Variants in EPB41 observed in about 807,000 individuals in gnomAD.
The protein encoded by EPB41 is protein 4.1.
Under a neutral mutation model 108.0 loss-of-function variants are expected in EPB41, and 65 were observed. The observed-to-expected ratio is 0.60, with a 90% CI of 0.49 to 0.74. The LOEUF is 0.74. Among genes scored for constraint, EPB41 ranks in the 30% least tolerant of loss-of-function variants. The pLI, the probability that EPB41 is intolerant of heterozygous loss-of-function variation, is 0.00. For missense variants in EPB41, 875 were observed against 1,037.0 expected, an observed-to-expected ratio of 0.84 and a Z score of 2.15; for synonymous variants, 336 against 358.9, an observed-to-expected ratio of 0.94 and a Z score of 0.72.
intron 15 of EPB41, among the ~76,000 whole-genome samples, chr1:29,062,030 A>T (rs1332056617): frequency 2.6e-5 from 4 of 152,214 alleles, no homozygotes; most frequent in Non-Finnish European, 4.4e-5. Flanking sequence ...TTCATTAAAC[A>T]TGTATTGCGT....
chr1:29,036,216 C>T (rs1392428535), intron 10 of EPB41, among the ~76,000 whole-genome samples: 2 of 150,636 alleles, frequency 1.3e-5, no homozygotes, highest in African/African-American at 2.4e-5. Flanking sequence ...AAAGTCAGTC[C>T]GATTAAGGGG....
intron 17 of EPB41, among the ~76,000 whole-genome samples, chr1:29,105,782 T>C (rs1480800906): frequency 4.5e-5 from 6 of 132,616 alleles, no homozygotes; most frequent in Non-Finnish European, 7.8e-5. Context: ...AGAGTATGGC[T>C]CTGTTGCCGA....
At chr1:28,903,765 G>T (rs1372527047) in intron 1 of EPB41, among the ~76,000 whole-genome samples, 1 of 152,190 alleles carries the variant, frequency 6.6e-6, no homozygotes, top group East Asian at 1.9e-4. Context: ...AGAAAAGGAA[G>T]GGAGGGGAAG....
rs761659017 is a variant in EPB41, at chr1:28,909,152, C to T, written c.-8+21942C>T. ...CATCCTGGGCTATGGAGTAAGACTCCGTCTCAAAAAAAAAAAAAAAAAGTC... is the reference window on the plus strand; with the variant it reads ...CATCCTGGGCTATGGAGTAAGACTCTGTCTCAAAAAAAAAAAAAAAAAGTC... On this transcript the variant is annotated intron_variant, in intron 1 of 16. Coordinates refer to the EPB41 transcript ENST00000347529. Among the ~76,000 whole-genome samples the T allele has an allele frequency of 7.9e-4, 74 of 93,260 alleles. 1 individual carries two copies. The highest frequency in any genetic ancestry group is 1.5e-3 in the South Asian group (3 of 2,042). 61.2% of individuals were successfully genotyped at this position (93,260 alleles called of 152,430 possible). A position where few individuals can be genotyped will look rare whatever the true frequency, so the allele number is the denominator to read the frequency against.
intron 18 of EPB41, among the ~76,000 whole-genome samples, chr1:29,112,107 C>G (rs1025033419): frequency 1.3e-5 from 2 of 152,096 alleles, no homozygotes; most frequent in African/African-American, 2.4e-5. Context: ...CAGTACCCAG[C>G]AGTAGATTAA....
chr1:29,104,586 AT>A (rs762258530), intron 17 of EPB41, among the ~76,000 whole-genome samples: 92 of 143,034 alleles, frequency 6.4e-4, no homozygotes, highest in Middle Eastern at 7.4e-3. Context: ...TGACTTTTTA[AT>A]TTTTTTTTTT....
Position 28,932,427 on chromosome 1 carries a change from A to G in EPB41, c.-8+17659A>G, listed in dbSNP as rs2093796411. On this transcript the variant is annotated intron_variant, in intron 1 of 20. Coordinates refer to ENST00000343067, the MANE Select transcript of EPB41 (RefSeq NM_001376013.1). The stretch of plus-strand genomic sequence containing the variant: ...CATGAGCATCATGCCTGGCCTCTAT[A>G]TTTTTATCTTTTCTTCCAGGAGCCA... Among the ~76,000 whole-genome samples the G allele has an allele frequency of 3.4e-5, 5 of 146,918 alleles. No individual in the cohort carries two copies. In the South Asian group the frequency reaches 1.1e-3, roughly 32 times the overall value.
At position 29,109,335 on chromosome 1, in the gene EPB41, G is replaced by A; in HGVS notation, c.2314-1G>A. 1 of 1,613,684 alleles carries A rather than the reference G, an allele frequency of 6.2e-7. No homozygotes were observed. Among genetic ancestry groups the A allele is most frequent in the Non-Finnish European group, 8.5e-7 (1 of 1,179,588 alleles). Reference sequence around the variant, plus strand: ...ATGATGAGCCATGCTTTCTTCTGCAGACTGACGACAACAGTGGAGACTTGG... The same window carrying A: ...ATGATGAGCCATGCTTTCTTCTGCAAACTGACGACAACAGTGGAGACTTGG... On this transcript the variant is annotated splice_acceptor_variant, in intron 17 of 20. Transcript: ENST00000343067. LOFTEE classifies it high-confidence loss of function.
intron 7 of EPB41, among the ~76,000 whole-genome samples, chr1:29,020,986 G>T (rs1255436041): frequency 3.3e-5 from 5 of 152,056 alleles, no homozygotes; most frequent in Non-Finnish European, 7.4e-5. Context: ...AGAATCTCAG[G>T]TTTGAGAGGA....
At chr1:29,066,819 G>A (rs903970456) in intron 16 of EPB41, among the ~76,000 whole-genome samples, 3 of 151,444 alleles carry the variant, frequency 2.0e-5, no homozygotes, top group Admixed American at 6.6e-5. Flanking sequence ...GATTACAGGC[G>A]CCTGCCGCCA....
intron 1 of EPB41, among the ~76,000 whole-genome samples, chr1:28,942,686 A>G (rs1189881940): frequency 6.6e-6 from 1 of 152,178 alleles, no homozygotes; most frequent in African/African-American, 2.4e-5. Flanking sequence ...ACATCATGGG[A>G]CATGGGTGAT....
intron 1 of EPB41, among the ~76,000 whole-genome samples, chr1:28,984,661 T>G (rs1423338046): frequency 2.1e-5 from 2 of 93,390 alleles, no homozygotes; most frequent in South Asian, 4.1e-4. Context: ...AAAACTTAGG[T>G]TTTTTTTTTT....
intron 11 of EPB41, among the ~76,000 whole-genome samples, chr1:29,052,108 A>G (rs1302444681): frequency 6.6e-6 from 1 of 152,236 alleles, no homozygotes; most frequent in Non-Finnish European, 1.5e-5. Context: ...TCTAAAACTT[A>G]GATACCAAAT....
At chr1:28,891,986 G>A (rs931378715) in intron 1 of EPB41, among the ~76,000 whole-genome samples, 9 of 149,924 alleles carry the variant, frequency 6.0e-5, no homozygotes, top group Admixed American at 4.8e-4. Flanking sequence ...CCAGCTACTC[G>A]GGATGCTGAG....
rs1262466996 is a variant in EPB41 at position 28,887,852 on chromosome 1, GTC to G, written c.-8+648_-8+649del. 2.0e-5 allele frequency among the ~76,000 whole-genome samples: 3 copies of G among 152,248 alleles called. No individual in the cohort carries two copies. The highest frequency in any genetic ancestry group is 2.9e-5 in the Non-Finnish European group (2 of 68,030). On this transcript the variant is annotated intron_variant, in intron 1 of 16. Transcript: ENST00000347529. The surrounding 1 kb of genome is among the most constrained non-coding windows in gnomAD (Gnocchi z 4.9). Reference sequence around the variant, plus strand: ...ACTTCCCTCTGTCTGGGTCTCCCGGGTCTCTCTGTCCGGTTCAGGCTCAGGTT... The same window carrying G: ...ACTTCCCTCTGTCTGGGTCTCCCGGGTCTCTGTCCGGTTCAGGCTCAGGTT...
Position 29,064,985 on chromosome 1 carries a change from T to A in EPB41, c.2011T>A (p.Leu671Ile), listed in dbSNP as rs766839144. The A allele has an allele frequency of 3.1e-6, 5 of 1,613,932 alleles. No homozygotes were observed. Among genetic ancestry groups the A allele is most frequent in the Non-Finnish European group, 4.2e-6 (5 of 1,180,002 alleles). Residue 671 changes from leucine (L) to isoleucine (I), a missense_variant, in exon 16 of 21, where the codon TTA becomes ATA. Physicochemically the swap from Leu to Ile is conservative, Grantham distance 5 (BLOSUM62 2). This residue lies in a region of EPB41 where 519 missense variants were observed against 627.3 expected (regional missense o/e 0.83). Coordinates refer to ENST00000343067, the MANE Select transcript of EPB41 (RefSeq NM_001376013.1). Reference protein sequence around the residue: ...IRHSNLMLEDLDKSQEEIKKH... With the variant: ...IRHSNLMLEDIDKSQEEIKKH... ...ATCTTTGTCCTTTCAACTGTAGGATTTAGACAAGAGTCAAGAGGAGATCAA... is the reference window on the plus strand; with the variant it reads ...ATCTTTGTCCTTTCAACTGTAGGATATAGACAAGAGTCAAGAGGAGATCAA...
At position 28,977,401 on chromosome 1, in the gene EPB41, T is replaced by C. The variant is rs866761672; in HGVS notation, c.-7-10030T>C. Among the ~76,000 whole-genome samples, 41 of 151,922 alleles carry C rather than the reference T, an allele frequency of 2.7e-4. No individual in the cohort carries two copies. The South Asian group carries it at 7.1e-3, about 26-fold the overall frequency. On this transcript the variant is annotated intron_variant, in intron 1 of 20. Transcript: ENST00000343067. ...TCTGTTCAGTATGTTTTTCTTTTTT[T>C]TTTTTTTTTTAAAGGTTTGATTTGT...
At chr1:28,966,641 A>G (rs2095362891) in intron 1 of EPB41, among the ~76,000 whole-genome samples, 3 of 152,204 alleles carry the variant, frequency 2.0e-5, no homozygotes, top group Non-Finnish European at 2.9e-5. Context: ...TGGGCCTCCA[A>G]TTTTAGGTAG....
chr1:29,054,252 C>T (rs1269646950), intron 12 of EPB41: 1 of 152,084 alleles, frequency 6.6e-6, no homozygotes, highest in Non-Finnish European at 1.5e-5. Context: ...ATATGTTAAG[C>T]TTTGTAAACA....
Sources: allele counts gnomAD v4.1 joint callset (sites outside exome capture counted in the v4.1 genomes callset), GRCh38; gene constraint gnomAD v4.1.1; regional missense constraint gnomAD v4.1.1; non-coding constraint Gnocchi (gnomAD v3.1); transcripts MANE v1.5; gene names NCBI Gene and HGNC (gene_info 2026-07-23, HGNC 2026-07-21).